The following ST6GALNAC3 variants were observed in gnomAD, a reference collection of about 807,000 sequenced individuals.
ST6GALNAC3 encodes ST6 N-acetylgalactosaminide alpha-2,6-sialyltransferase 3.
Under a neutral mutation model 32.7 loss-of-function variants are expected in ST6GALNAC3, and 25 were observed. The observed-to-expected ratio is 0.76, with a 90% CI of 0.56 to 1.07. The LOEUF is 1.07. Among genes scored for constraint, ST6GALNAC3 ranks in the 50% least tolerant of loss-of-function variants. The pLI, the probability that ST6GALNAC3 is intolerant of heterozygous loss-of-function variation, is 0.00. For missense variants in ST6GALNAC3, 355 were observed against 382.4 expected, an observed-to-expected ratio of 0.93 and a Z score of 0.60; for synonymous variants, 129 against 133.1, an observed-to-expected ratio of 0.97 and a Z score of 0.21.
intron 1 of ST6GALNAC3, among the ~76,000 whole-genome samples, chr1:76,110,345 T>C (rs1183643610): frequency 6.6e-6 from 1 of 152,262 alleles, no homozygotes; most frequent in Non-Finnish European, 1.5e-5. Context: ...TTAGAAGACT[T>C]TGACTTCTTT....
intron 1 of ST6GALNAC3, among the ~76,000 whole-genome samples, chr1:76,258,647 T>C (rs971396388): frequency 6.6e-6 from 1 of 152,170 alleles, no homozygotes; most frequent in African/African-American, 2.4e-5. Context: ...TAAACTTCTT[T>C]TGAGTTCCTA....
intron 1 of ST6GALNAC3, among the ~76,000 whole-genome samples, chr1:76,214,260 A>T (rs1382592768): frequency 1.3e-5 from 2 of 152,210 alleles, no homozygotes; most frequent in African/African-American, 2.4e-5. Flanking sequence ...AGTGGTTGCC[A>T]TACTGGACAG....
intron 1 of ST6GALNAC3, 72 bp from the exon 2 acceptor site, chr1:76,313,733 G>A: frequency 2.0e-6 from 3 of 1,490,126 alleles, no homozygotes; most frequent in Admixed American, 3.4e-5. Context: ...GAAGAATAAA[G>A]GAACCTCCTT....
At chr1:76,352,546 AG>A (rs1035343371) in intron 2 of ST6GALNAC3, among the ~76,000 whole-genome samples, 1 of 124,804 alleles carries the variant, frequency 8.0e-6, no homozygotes, top group African/African-American at 3.1e-5. Flanking sequence ...TAATTGCTGG[AG>A]TGCTAAAGAG....
chr1:76,296,057 T>A (rs1276288332), intron 1 of ST6GALNAC3, among the ~76,000 whole-genome samples: 3 of 152,060 alleles, frequency 2.0e-5, no homozygotes. Flanking sequence ...TTTTTATGCA[T>A]CTTATTTCTT....
rs1659406122 is a variant in ST6GALNAC3 at position 76,477,168 on chromosome 1, T to A, written c.623+64751T>A. Among the ~76,000 whole-genome samples the A allele has an allele frequency of 2.0e-5, 3 of 152,172 alleles. No homozygotes were observed. The South Asian group carries it at 6.2e-4, about 32-fold the overall frequency. On this transcript the variant is annotated intron_variant, in intron 3 of 4. Coordinates refer to ENST00000328299, the MANE Select transcript of ST6GALNAC3 (RefSeq NM_152996.4). ...ACAATTTTAAAACATATAAAGTACT[T>A]TGAAATATTTATCCTTGGATAACTG...
chr1:76,273,105 T>G (rs1402367917), intron 1 of ST6GALNAC3, among the ~76,000 whole-genome samples: 1 of 152,184 alleles, frequency 6.6e-6, no homozygotes, highest in African/African-American at 2.4e-5. Context: ...TTTGATATAT[T>G]TGATAAAGAA....
rs528008179 is a variant in ST6GALNAC3, at chr1:76,317,445, T to G, written c.213+3446T>G. 8.5e-5 allele frequency among the ~76,000 whole-genome samples: 13 copies of G among 152,232 alleles called. No homozygotes were observed. The South Asian group carries it at 2.5e-3, about 29-fold the overall frequency. ...TAAATAGTGACCACAAAACCATGCT[T>G]CAGAGATTATCACACACTAAGTCCC... On this transcript the variant is annotated intron_variant, in intron 2 of 4. Coordinates refer to ENST00000328299, the MANE Select transcript of ST6GALNAC3 (RefSeq NM_152996.4).
At chr1:76,557,106 G>A (rs1184327919) in intron 3 of ST6GALNAC3, among the ~76,000 whole-genome samples, 2 of 151,812 alleles carry the variant, frequency 1.3e-5, no homozygotes, top group East Asian at 1.9e-4. Context: ...AGTTATCACC[G>A]AACCAGATGT....
At chr1:76,156,720 A>G (rs1651451188) in intron 1 of ST6GALNAC3, among the ~76,000 whole-genome samples, 2 of 151,954 alleles carry the variant, frequency 1.3e-5, no homozygotes, top group Admixed American at 1.3e-4. Context: ...TGAATCAGTC[A>G]TTTCTCCAAA....
intron 3 of ST6GALNAC3, among the ~76,000 whole-genome samples, chr1:76,625,062 T>C (rs1648882616): frequency 6.6e-6 from 1 of 151,956 alleles, no homozygotes; most frequent in African/African-American, 2.4e-5. Context: ...AGAGGCTAAA[T>C]AAGTGGCCAA....
intron 1 of ST6GALNAC3, among the ~76,000 whole-genome samples, chr1:76,144,341 C>G (rs984751874): frequency 1.3e-5 from 2 of 152,222 alleles, no homozygotes; most frequent in African/African-American, 4.8e-5. Flanking sequence ...CCATAAGTTT[C>G]TTTCCAAACT....
chr1:76,419,944 C>CTTTTTTTTTTTTTT (rs66531652), intron 3 of ST6GALNAC3, among the ~76,000 whole-genome samples: 3 of 138,806 alleles, frequency 2.2e-5, no homozygotes, highest in African/African-American at 5.3e-5. Context: ...TTCTTTCTTT[C>CTTTTTTTTTTTTTT]TTTTTTTTTT....
intron 3 of ST6GALNAC3, among the ~76,000 whole-genome samples, chr1:76,603,737 A>G (rs1647352414): frequency 6.6e-6 from 1 of 152,178 alleles, no homozygotes; most frequent in Admixed American, 6.5e-5. Flanking sequence ...CAGTGGCACA[A>G]TCACAGCTCA....
At chr1:76,491,024 A>G (rs978160394) in intron 3 of ST6GALNAC3, among the ~76,000 whole-genome samples, 4 of 151,682 alleles carry the variant, frequency 2.6e-5, no homozygotes, top group Non-Finnish European at 4.4e-5. Flanking sequence ...ACGCCCGGCT[A>G]ATTTTTTATT....
chr1:76,471,479 C>A (rs1659025784), intron 3 of ST6GALNAC3, among the ~76,000 whole-genome samples: 1 of 152,042 alleles, frequency 6.6e-6, no homozygotes, highest in Non-Finnish European at 1.5e-5. Flanking sequence ...CTCAGTGAAG[C>A]CGGGATTCTT....
intron 2 of ST6GALNAC3, among the ~76,000 whole-genome samples, chr1:76,328,838 T>C (rs1386505786): frequency 6.6e-6 from 1 of 152,222 alleles, no homozygotes; most frequent in Non-Finnish European, 1.5e-5. Flanking sequence ...TGTTTCTTTC[T>C]TGAACATCTA....
At chr1:76,433,993 CT>C (rs757586217) in intron 3 of ST6GALNAC3, among the ~76,000 whole-genome samples, 1 of 152,104 alleles carries the variant, frequency 6.6e-6, no homozygotes. Context: ...TTATTGATTG[CT>C]CTTACTGATT....
chr1:76,471,403 A>G (rs1054484568), intron 3 of ST6GALNAC3, among the ~76,000 whole-genome samples: 6 of 152,102 alleles, frequency 3.9e-5, no homozygotes, highest in Admixed American at 2.0e-4. Context: ...GTGCTTAAAA[A>G]TATGTTTTTC....
Sources: gnomAD v4.1 joint callset for allele counts (sites outside exome capture counted in the v4.1 genomes callset) on GRCh38, gnomAD v4.1.1 for gene constraint, MANE v1.5 for transcripts, NCBI Gene and HGNC (gene_info 2026-07-23, HGNC 2026-07-21) for gene names.